Variants in SEL1L observed in about 807,000 individuals in gnomAD.
SEL1L encodes the protein protein sel-1 homolog 1.
Under a neutral mutation model 109.8 loss-of-function variants are expected in SEL1L, and 52 were observed. The observed-to-expected ratio is 0.47, with a 90% confidence interval of 0.38 to 0.60. The LOEUF (loss-of-function observed/expected upper bound fraction) is 0.60, where lower values mean the gene tolerates loss of function less well. SEL1L is among the 20% of genes least tolerant of loss of function. The pLI is 0.00. For missense variants in SEL1L, 749 were observed against 962.2 expected (o/e 0.78, Z 2.93); for synonymous variants, 373 against 339.6 (o/e 1.10, Z -1.08).
chr14:81,525,296 C>G (rs1185165917), intron 3 of SEL1L, among the ~76,000 whole-genome samples: 1 of 151,936 alleles, frequency 6.6e-6, no homozygotes, highest in Non-Finnish European at 1.5e-5. Context: ...TGCCTGTAAT[C>G]CCAGCACTTT....
chr14:81,501,585 T>C (rs1884008831), intron 6 of SEL1L, among the ~76,000 whole-genome samples: 1 of 152,206 alleles, frequency 6.6e-6, no homozygotes, highest in African/African-American at 2.4e-5. Flanking sequence ...ACAACTGTTA[T>C]GACTCCTGTT....
intron 3 of SEL1L, among the ~76,000 whole-genome samples, chr14:81,510,512 C>CTG (rs1342094383): frequency 8.4e-5 from 9 of 106,728 alleles, no homozygotes; most frequent in African/African-American, 2.7e-4. Context: ...CTCTCTCTCT[C>CTG]TCTATATATA....
Position 81,533,751 on chromosome 14 carries a change from C to T in SEL1L, c.-7G>A, listed in dbSNP as rs769255114. ...GCCCTATCCGGACCCGCATCCTCCTCTCGGGGCCGGTGCCAACCCCTAGAG... is the reference window on the plus strand; with the variant it reads ...GCCCTATCCGGACCCGCATCCTCCTTTCGGGGCCGGTGCCAACCCCTAGAG... On this transcript the variant is annotated 5_prime_UTR_variant, in exon 1 of 21. Coordinates refer to ENST00000336735, the MANE Select transcript of SEL1L (RefSeq NM_005065.6). 6.8e-6 allele frequency: 11 copies of T among 1,612,686 alleles called. No homozygotes were observed. The African/African-American group carries it at 1.3e-4, about 20-fold the overall frequency.
At position 81,480,975 on chromosome 14, in the gene SEL1L, T is replaced by C. The variant is rs1176776394; in HGVS notation, c.2047-1235A>G. On this transcript the variant is annotated intron_variant, in intron 19 of 20. Coordinates refer to ENST00000336735, the MANE Select transcript of SEL1L (RefSeq NM_005065.6). ...CCACCGGAAGAGATCTACCCCACTC[T>C]TTCCTCAAGTGCATTGCCCTGGGGT... 3.9e-5 allele frequency among the ~76,000 whole-genome samples: 6 copies of C among 152,146 alleles called. No homozygotes were observed. In the East Asian group the frequency reaches 7.7e-4, roughly 20 times the overall value.
intron 3 of SEL1L, among the ~76,000 whole-genome samples, chr14:81,514,498 C>G (rs1884618826): frequency 6.6e-6 from 1 of 152,154 alleles, no homozygotes; most frequent in African/African-American, 2.4e-5. Context: ...TTTTCTCAGT[C>G]CTCTTTGGGG....
At chr14:81,480,789 A>G (rs1290181646) in intron 19 of SEL1L, among the ~76,000 whole-genome samples, 1 of 152,234 alleles carries the variant, frequency 6.6e-6, no homozygotes, top group Non-Finnish European at 1.5e-5. Context: ...GCAGTTCTGC[A>G]GCTTCCATAT....
intron 1 of SEL1L, 28 bp downstream of exon 1, chr14:81,533,647 C>T (rs771951159): frequency 4.4e-6 from 7 of 1,605,844 alleles, no homozygotes; most frequent in Non-Finnish European, 5.1e-6. Flanking sequence ...AGGCTCTGGG[C>T]CTTCAGCCCG....
intron 5 of SEL1L, among the ~76,000 whole-genome samples, 190 bp downstream of exon 5, chr14:81,504,011 A>C (rs547505127): frequency 9.2e-5 from 14 of 152,348 alleles, no homozygotes; most frequent in African/African-American, 3.4e-4. Flanking sequence ...TCAGTATAAC[A>C]ATTTTACCTT....
At chr14:81,502,206 A>T (rs771381850) in intron 6 of SEL1L, among the ~76,000 whole-genome samples, 2 of 152,190 alleles carry the variant, frequency 1.3e-5, no homozygotes, top group Non-Finnish European at 2.9e-5. Flanking sequence ...ATATATACAC[A>T]AAGAGAAAGA....
Position 81,533,675 on chromosome 14 carries a change from C to G in SEL1L, c.70G>C (p.Asp24His). The G allele has an allele frequency of 6.2e-7, 1 of 1,612,764 alleles. No homozygotes were observed. Among genetic ancestry groups the G allele is most frequent in the Non-Finnish European group, 8.5e-7 (1 of 1,179,720 alleles). The change falls in exon 1 of 21, where the codon GAT (aspartate) becomes CAT (histidine). Residue 24 changes from aspartate to histidine, a missense_variant and splice_region_variant. This residue lies in a region of SEL1L where 366 missense variants were observed against 399.8 expected (regional missense o/e 0.92). Transcript: ENST00000336735. Reference protein sequence around the residue: ...VLLSLASASSDEEGSQDESLD... With the variant: ...VLLSLASASSHEEGSQDESLD... ...TCAGCCCGAGGGGGCGGATACTGAC[C>G]CGAGGACGCCGAGGCCAAGCTCAGC...
intron 3 of SEL1L, among the ~76,000 whole-genome samples, chr14:81,523,820 T>C (rs1885013884): frequency 6.6e-6 from 1 of 151,976 alleles, no homozygotes; most frequent in East Asian, 1.9e-4. Flanking sequence ...ACTTGGTATG[T>C]GGGGAAATAC....
At chr14:81,507,923 C>T (rs1021624502) in intron 3 of SEL1L, among the ~76,000 whole-genome samples, 1 of 152,188 alleles carries the variant, frequency 6.6e-6, no homozygotes, top group Non-Finnish European at 1.5e-5. Context: ...ATTAGCTGTG[C>T]ACTTTGAGCA....
intron 19 of SEL1L, 130 bp downstream of exon 19, chr14:81,484,095 C>A: frequency 3.3e-6 from 3 of 911,012 alleles, no homozygotes; most frequent in Non-Finnish European, 5.1e-6. Context: ...TGAAATATTA[C>A]AAATCAGTCC....
In SEL1L at chr14:81,498,433, T is replaced by C; in HGVS notation, c.953A>G (p.Tyr318Cys). ...LQSCESALTHYRLVANHVASD... is the reference protein window; with the variant it reads ...LQSCESALTHCRLVANHVASD... ...GATACCATGATTGGCAACAAGACGA[T>C]AGTGAGTCAGGGCAGATTCACAACT... Residue 318 changes from tyrosine to cysteine, a missense_variant, in exon 9 of 21, where the codon TAT (tyrosine) becomes TGT (cysteine). Transcript: ENST00000336735. The C allele has an allele frequency of 2.5e-6, 4 of 1,613,922 alleles. No homozygotes were observed. Among genetic ancestry groups the C allele is most frequent in the Non-Finnish European group, 3.4e-6 (4 of 1,179,884 alleles).
rs150259943 is a variant in SEL1L at position 81,533,685 on chromosome 14, C to A, written c.60G>T (p.Ser20=). ...GGGGCGGATACTGACCCGAGGACGC[C>A]GAGGCCAAGCTCAGCAGCACCGCAC... ...LLCAVLLSLA[S]ASSDEEGSQD... The change falls in exon 1 of 21, where the codon TCG becomes TCT. Residue 20 remains serine (S), a synonymous_variant. Coordinates refer to ENST00000336735, the MANE Select transcript of SEL1L (RefSeq NM_005065.6). The A allele has an allele frequency of 8.9e-5, 143 of 1,613,238 alleles. No individual in the cohort carries two copies. The African/African-American group carries it at 1.8e-3, about 20-fold the overall frequency.
intron 12 of SEL1L, among the ~76,000 whole-genome samples, chr14:81,491,153 A>T (rs1390753414): frequency 6.6e-6 from 1 of 152,214 alleles, no homozygotes. Flanking sequence ...TTCAACAAGG[A>T]AAGGGGAAGC....
chr14:81,515,942 A>C (rs922937464), intron 3 of SEL1L, among the ~76,000 whole-genome samples: 15 of 152,288 alleles, frequency 9.8e-5, no homozygotes, highest in East Asian at 5.8e-4. Context: ...CCAGACAAAC[A>C]AACCTTGGTG....
chr14:81,476,771 C>G lies in SEL1L; in HGVS notation c.*201G>C. On this transcript the variant is annotated 3_prime_UTR_variant, in exon 21 of 21. Transcript: ENST00000336735. ...TTATTCCATATGGCACTGAAACAAA[C>G]ATTCAGCTCAGTTTAGGTAAGAGTT... is the stretch of plus-strand genomic sequence containing the variant. The G allele has an allele frequency of 1.1e-5, 6 of 548,504 alleles. No individual in the cohort carries two copies. In the South Asian group the frequency reaches 1.8e-4, roughly 16 times the overall value. 34.0% of individuals were successfully genotyped at this position (548,504 alleles called of 1,614,324 possible).
chr14:81,477,264 T>C, intron 20 of SEL1L, 83 bp from the exon 21 acceptor site: 1 of 1,087,036 alleles, frequency 9.2e-7, no homozygotes, highest in Non-Finnish European at 1.4e-6. Flanking sequence ...CAGAAGTAAG[T>C]ACAGAAATTA....
Sources: allele counts gnomAD v4.1 joint callset (sites outside exome capture counted in the v4.1 genomes callset), GRCh38; gene constraint gnomAD v4.1.1; regional missense constraint gnomAD v4.1.1; transcripts MANE v1.5; gene names NCBI Gene and HGNC (gene_info 2026-07-23, HGNC 2026-07-21).